Variants in NEK11 observed in about 807,000 individuals in gnomAD.
The protein encoded by NEK11 is NIMA related kinase 11.
In NEK11, 72 loss-of-function variants were observed where a neutral mutation model predicts 80.7. The observed-to-expected ratio is 0.89, with a 90% CI of 0.74 to 1.08. NEK11 has a LOEUF of 1.08. Ranked by LOEUF, NEK11 falls within the 50% of genes least tolerant of loss-of-function variation. The pLI, the probability that NEK11 is intolerant of heterozygous loss-of-function variation, is 0.00. For synonymous variants in NEK11, 251 were observed against 260.7 expected (o/e 0.96, Z 0.36); for missense variants, 764 against 763.6 (o/e 1.00, Z -0.01).
At chr3:131,035,872 G>A (rs1560110908) in intron 3 of NEK11, among the ~76,000 whole-genome samples, 1 of 152,154 alleles carries the variant, frequency 6.6e-6, no homozygotes, top group Non-Finnish European at 1.5e-5. Flanking sequence ...ATTCTAAGTG[G>A]CTATTGTTGT....
chr3:131,208,885 A>C, intron 14 of NEK11, among the ~76,000 whole-genome samples: 1 of 152,212 alleles, frequency 6.6e-6, no homozygotes, highest in East Asian at 1.9e-4. Flanking sequence ...GGGGTTTTCT[A>C]AGTATACAAT....
intron 14 of NEK11, among the ~76,000 whole-genome samples, chr3:131,188,546 A>G (rs1364247199): frequency 1.3e-5 from 2 of 152,050 alleles, no homozygotes; most frequent in Non-Finnish European, 2.9e-5. Context: ...TCTTTTAGGA[A>G]TTTTACATTG....
At chr3:131,190,255 C>G (rs2093743601) in intron 14 of NEK11, among the ~76,000 whole-genome samples, 1 of 152,170 alleles carries the variant, frequency 6.6e-6, no homozygotes, top group Non-Finnish European at 1.5e-5. Flanking sequence ...ACTGAGGATT[C>G]AGGAGTGAAC....
At chr3:131,212,086 C>G (rs972798484) in intron 14 of NEK11, among the ~76,000 whole-genome samples, 1 of 152,186 alleles carries the variant, frequency 6.6e-6, no homozygotes, top group African/African-American at 2.4e-5. Context: ...TCTCGTTTCT[C>G]CCCATCTTTG....
chr3:131,248,986 C>A (rs2095652415), intron 16 of NEK11, among the ~76,000 whole-genome samples: 1 of 151,258 alleles, frequency 6.6e-6, no homozygotes, highest in Admixed American at 6.6e-5. Flanking sequence ...TAGTTAATAT[C>A]CAAATTCCTT....
intron 15 of NEK11, among the ~76,000 whole-genome samples, chr3:131,241,435 T>C (rs1389067878): frequency 6.6e-6 from 1 of 152,144 alleles, no homozygotes; most frequent in Non-Finnish European, 1.5e-5. Context: ...ATTAAAATTA[T>C]GCTTCTGAAG....
At chr3:131,035,136 C>T (rs2065456295) in intron 3 of NEK11, among the ~76,000 whole-genome samples, 2 of 152,162 alleles carry the variant, frequency 1.3e-5, no homozygotes, top group Admixed American at 1.3e-4. Context: ...AAAAGGCCTA[C>T]AAGTCCTTAA....
At chr3:131,128,904 A>G (rs1335243544) in intron 5 of NEK11, among the ~76,000 whole-genome samples, 1 of 152,158 alleles carries the variant, frequency 6.6e-6, no homozygotes, top group Non-Finnish European at 1.5e-5. Context: ...CTCTGATGAC[A>G]TATGATGTAA....
chr3:131,093,799 C>A (rs1025641615), intron 4 of NEK11, among the ~76,000 whole-genome samples: 11 of 152,028 alleles, frequency 7.2e-5, no homozygotes, highest in African/African-American at 2.7e-4. Context: ...TATAGGGATT[C>A]AGGTTTAACA....
At chr3:131,121,618 C>T (rs1446861167) in intron 5 of NEK11, among the ~76,000 whole-genome samples, 2 of 152,224 alleles carry the variant, frequency 1.3e-5, no homozygotes, top group East Asian at 1.9e-4. Flanking sequence ...CCTCCTTGAA[C>T]TCCGGTGGGC....
intron 3 of NEK11, among the ~76,000 whole-genome samples, 179 bp downstream of exon 3, chr3:131,030,057 T>C (rs1178225826): frequency 2.6e-5 from 4 of 152,122 alleles, no homozygotes; most frequent in African/African-American, 9.7e-5. Context: ...CTGGCCAACA[T>C]GGCAAAACCC....
At chr3:131,243,544 A>G in intron 16 of NEK11, 48 bp downstream of exon 16, 2 of 1,460,596 alleles carry the variant, frequency 1.4e-6, no homozygotes, top group Non-Finnish European at 9.6e-7. Flanking sequence ...GCTACTGATT[A>G]TCTTGGAATA....
At chr3:131,158,442 G>C (rs950539154) in intron 10 of NEK11, among the ~76,000 whole-genome samples, 1 of 152,116 alleles carries the variant, frequency 6.6e-6, no homozygotes, top group African/African-American at 2.4e-5. Flanking sequence ...TCAGAGCCTT[G>C]GCGGGCACAG....
At chr3:131,336,565 C>A (rs2097188194) in intron 17 of NEK11, among the ~76,000 whole-genome samples, 2 of 152,134 alleles carry the variant, frequency 1.3e-5, no homozygotes, top group South Asian at 4.1e-4. Flanking sequence ...TGGGCAAGGA[C>A]TTCATGTCTA....
intron 14 of NEK11, among the ~76,000 whole-genome samples, chr3:131,192,687 G>C (rs1365681901): frequency 6.6e-6 from 1 of 152,124 alleles, no homozygotes; most frequent in Non-Finnish European, 1.5e-5. Flanking sequence ...CAGACACAAG[G>C]GGACAAATAT....
intron 10 of NEK11, among the ~76,000 whole-genome samples, chr3:131,157,600 A>G (rs2149874813): frequency 6.6e-6 from 1 of 152,326 alleles, no homozygotes; most frequent in African/African-American, 2.4e-5. Flanking sequence ...CAGGTGAGCC[A>G]GGTGGAACAG....
intron 14 of NEK11, among the ~76,000 whole-genome samples, chr3:131,197,020 A>G (rs1416306999): frequency 1.3e-5 from 2 of 151,896 alleles, no homozygotes; most frequent in Non-Finnish European, 2.9e-5. Context: ...ATGATTGGCT[A>G]TTTCTTTACC....
chr3:131,077,392 C>T (rs761143442), intron 3 of NEK11, among the ~76,000 whole-genome samples: 2 of 152,072 alleles, frequency 1.3e-5, no homozygotes, highest in Admixed American at 6.6e-5. Flanking sequence ...TGAACGTCTC[C>T]GCATCAGCTA....
intron 3 of NEK11, among the ~76,000 whole-genome samples, chr3:131,044,904 G>T (rs890630178): frequency 1.3e-5 from 2 of 152,106 alleles, no homozygotes; most frequent in African/African-American, 4.8e-5. Context: ...CAAAAGATCA[G>T]AAATCATAAC....
Sources: allele counts gnomAD v4.1 joint callset (sites outside exome capture counted in the v4.1 genomes callset), GRCh38; gene constraint gnomAD v4.1.1; transcripts MANE v1.5; gene names NCBI Gene and HGNC (gene_info 2026-07-23, HGNC 2026-07-21).